Variants in FRMD5 observed in about 807,000 individuals in gnomAD.
FRMD5 encodes FERM domain-containing protein 5.
FRMD5 carries 20 observed loss-of-function variants against 69.0 expected under a neutral mutation model. The observed-to-expected ratio is 0.29, with a 90% CI of 0.20 to 0.42. The LOEUF (loss-of-function observed/expected upper bound fraction) is 0.42. Ranked by LOEUF, FRMD5 falls within the 10% of genes least tolerant of loss-of-function variation. The pLI, the probability that FRMD5 is intolerant of heterozygous loss-of-function variation, is 1.00. For missense variants in FRMD5, 595 were observed against 708.6 expected (o/e 0.84, Z 1.82); for synonymous variants, 271 against 260.1 (o/e 1.04, Z -0.40).
At chr15:44,019,227 T>A (rs1891101493) in intron 1 of FRMD5, among the ~76,000 whole-genome samples, 1 of 152,120 alleles carries the variant, frequency 6.6e-6, no homozygotes, top group African/African-American at 2.4e-5. Context: ...CATTTATGAT[T>A]GCCTGTTTTC....
upstream of FRMD5, among the ~76,000 whole-genome samples, chr15:44,195,961 A>T (rs962320030): frequency 1.3e-5 from 2 of 152,228 alleles, no homozygotes; most frequent in Non-Finnish European, 2.9e-5. Flanking sequence ...AGAGGAAGCA[A>T]TGAATCTTCT....
At chr15:44,099,877 T>C (rs918786316) in intron 1 of FRMD5, among the ~76,000 whole-genome samples, 11 of 152,074 alleles carry the variant, frequency 7.2e-5, no homozygotes, top group South Asian at 2.1e-4. Context: ...GATAAGCTTG[T>C]ATGAGTTCAA....
At chr15:43,939,301 A>G (rs1351771349) in intron 1 of FRMD5, among the ~76,000 whole-genome samples, 1 of 152,184 alleles carries the variant, frequency 6.6e-6, no homozygotes, top group East Asian at 1.9e-4. Flanking sequence ...ATAACATGAA[A>G]GGTTATATAC....
chr15:44,044,248 G>T (rs974616885), intron 1 of FRMD5, among the ~76,000 whole-genome samples: 139 of 152,206 alleles, frequency 9.1e-4, no homozygotes, highest in Non-Finnish European at 7.5e-4. Context: ...TTAGAATGGC[G>T]ATCATTAAAA....
chr15:44,140,339 T>C lies in FRMD5; in HGVS notation c.102+54614A>G, dbSNP rs1049191383. On this transcript the variant is annotated intron_variant, in intron 1 of 13. Coordinates refer to ENST00000417257, the MANE Select transcript of FRMD5 (RefSeq NM_032892.5). ...CATAGGGAGGAAATCTAAATAGATA[T>C]TATGAAATACTAAAACTGAACAACA... Among the ~76,000 whole-genome samples, 5 of 152,098 alleles carry C rather than the reference T, an allele frequency of 3.3e-5. No individual in the cohort carries two copies. In the East Asian group the frequency reaches 9.6e-4, roughly 29 times the overall value.
upstream of FRMD5, among the ~76,000 whole-genome samples, chr15:44,199,309 TG>T (rs1038451744): frequency 2.0e-4 from 31 of 152,224 alleles, no homozygotes; most frequent in African/African-American, 7.0e-4. Flanking sequence ...TCATGGACTA[TG>T]GATTAGATAC....
intron 1 of FRMD5, among the ~76,000 whole-genome samples, chr15:44,076,481 G>A (rs897283447): frequency 2.0e-5 from 3 of 150,486 alleles, no homozygotes; most frequent in Non-Finnish European, 3.0e-5. Flanking sequence ...TAGGGACATG[G>A]ATGAAATTGG....
intron 1 of FRMD5, among the ~76,000 whole-genome samples, chr15:43,996,171 G>T (rs1276650058): frequency 6.6e-6 from 1 of 151,994 alleles, no homozygotes. Context: ...GTCTGCAGGG[G>T]CTGGCCTGGA....
intron 4 of FRMD5, among the ~76,000 whole-genome samples, chr15:43,912,085 C>T (rs903378633): frequency 6.6e-6 from 1 of 152,086 alleles, no homozygotes; most frequent in Non-Finnish European, 1.5e-5. Context: ...TCCTACACTT[C>T]CACCTACACC....
At chr15:43,905,670 G>A (rs2089153330) in intron 6 of FRMD5, among the ~76,000 whole-genome samples, 158 bp downstream of exon 6, 1 of 152,214 alleles carries the variant, frequency 6.6e-6, no homozygotes, top group Non-Finnish European at 1.5e-5. Flanking sequence ...TGTGCTGTCA[G>A]TGTATCACTG....
At chr15:43,919,951 G>T in intron 2 of FRMD5, 142 bp from the exon 3 acceptor site, 1 of 726,976 alleles carries the variant, frequency 1.4e-6, no homozygotes, top group Non-Finnish European at 2.4e-6. Flanking sequence ...AGTTTGGTGA[G>T]TAAAGAGTGA....
At chr15:44,142,458 A>C (rs2140448895) in intron 1 of FRMD5, among the ~76,000 whole-genome samples, 1 of 152,334 alleles carries the variant, frequency 6.6e-6, no homozygotes, top group Non-Finnish European at 1.5e-5. Flanking sequence ...AAAAAATTTT[A>C]AGTAAATTCT....
chr15:44,087,844 C>T (rs2140470283), intron 1 of FRMD5, among the ~76,000 whole-genome samples: 1 of 151,660 alleles, frequency 6.6e-6, no homozygotes, highest in East Asian at 1.9e-4. Context: ...GTGTTCCAGC[C>T]CAGCAATGTT....
At position 43,919,452 on chromosome 15, in the gene FRMD5, A is replaced by G. The variant is rs746786179; in HGVS notation, c.329+7T>C. ...CCTAATGGCTGCGGGAAGCATGTTCACCTCACCTGGTTATTTCTTCTTTCA... is the reference window on the plus strand; with the variant it reads ...CCTAATGGCTGCGGGAAGCATGTTCGCCTCACCTGGTTATTTCTTCTTTCA... On this transcript the variant is annotated splice_region_variant and intron_variant, in intron 4 of 13. Coordinates refer to ENST00000417257, the MANE Select transcript of FRMD5 (RefSeq NM_032892.5). The G allele has an allele frequency of 6.2e-7, 1 of 1,613,234 alleles. No individual in the cohort carries two copies. Among genetic ancestry groups the G allele is most frequent in the Non-Finnish European group, 8.5e-7 (1 of 1,179,424 alleles).
intron 1 of FRMD5, chr15:43,989,721 A>G (rs2140131451): frequency 1.0e-6 from 1 of 995,756 alleles, no homozygotes; most frequent in East Asian, 2.6e-5. Flanking sequence ...CCGTCATCGT[A>G]GTCCATCACG....
At chr15:44,025,312 G>A (rs1891384216) in intron 1 of FRMD5, among the ~76,000 whole-genome samples, 1 of 152,186 alleles carries the variant, frequency 6.6e-6, no homozygotes, top group Non-Finnish European at 1.5e-5. Context: ...GGTTAAGAGA[G>A]AGTGAATGGA....
At position 44,144,780 on chromosome 15, in the gene FRMD5, G is replaced by GT. The variant is rs569191458; in HGVS notation, c.102+50172_102+50173insA. Reference sequence around the variant, plus strand: ...CAAAAACAAAATTCTTCCAGAAGGGGGAAACTGCAACGGAGTGAGTCAAGT... The same window carrying GT: ...CAAAAACAAAATTCTTCCAGAAGGGGTGAAACTGCAACGGAGTGAGTCAAGT... On this transcript the variant is annotated intron_variant, in intron 1 of 13. Coordinates refer to ENST00000417257, the MANE Select transcript of FRMD5 (RefSeq NM_032892.5). 6.6e-4 allele frequency among the ~76,000 whole-genome samples: 100 copies of GT among 152,276 alleles called. 1 individual carries two copies. The highest frequency in any genetic ancestry group is 3.4e-3 in the Middle Eastern group (1 of 294).
chr15:43,885,636 G>T, intron 11 of FRMD5, 45 bp downstream of exon 11: 1 of 1,494,962 alleles, frequency 6.7e-7, no homozygotes, highest in Non-Finnish European at 9.3e-7. Flanking sequence ...TCCAGAGAAG[G>T]GTCTGAAAAT....
intron 1 of FRMD5, among the ~76,000 whole-genome samples, chr15:44,182,889 G>A (rs925497831): frequency 2.6e-5 from 4 of 151,916 alleles, no homozygotes; most frequent in Non-Finnish European, 4.4e-5. Flanking sequence ...TCCGCCTCCC[G>A]GGTTCACATC....
Sources: gnomAD v4.1 joint callset for allele counts (sites outside exome capture counted in the v4.1 genomes callset) on GRCh38, gnomAD v4.1.1 for gene constraint, MANE v1.5 for transcripts, NCBI Gene and HGNC (gene_info 2026-07-23, HGNC 2026-07-21) for gene names.